The following RSRC1 variants were observed in gnomAD, a reference collection of about 807,000 sequenced individuals.
The protein encoded by RSRC1 is serine/Arginine-related protein 53.
A neutral mutation model predicts 49.1 loss-of-function variants in RSRC1; 39 were observed. The observed-to-expected ratio is 0.79, with a 90% CI of 0.61 to 1.04. RSRC1 has a LOEUF of 1.04. RSRC1 is among the 50% of genes least tolerant of loss of function. The pLI is 0.00. For synonymous variants in RSRC1, 143 were observed against 130.8 expected, an observed-to-expected ratio of 1.09 and a Z score of -0.63; for missense variants, 388 against 402.4, an observed-to-expected ratio of 0.96 and a Z score of 0.31.
At position 158,515,794 on chromosome 3, in the gene RSRC1, G is replaced by A. The variant is rs376311552; in HGVS notation, c.653-21298G>A. Among the ~76,000 whole-genome samples the A allele has an allele frequency of 1.3e-3, 200 of 151,752 alleles. 1 individual carries two copies. The highest frequency in any genetic ancestry group is 2.4e-3 in the Non-Finnish European group (161 of 67,958). ...CCCATATTTCTTGGAGGCTTTGCTC[G>A]TTTCTTTTTATTCTTTTTTCTGTAA... On this transcript the variant is annotated intron_variant, in intron 7 of 9. Transcript: ENST00000611884.
chr3:158,478,464 G>A (rs1738476350), intron 7 of RSRC1, among the ~76,000 whole-genome samples: 1 of 151,880 alleles, frequency 6.6e-6, no homozygotes, highest in South Asian at 2.1e-4. Context: ...AATGAATTGA[G>A]ACTGTCTTAA....
At chr3:158,457,973 CAG>C (rs1360874309) in intron 6 of RSRC1, among the ~76,000 whole-genome samples, 1 of 151,850 alleles carries the variant, frequency 6.6e-6, no homozygotes, top group African/African-American at 2.4e-5. Context: ...CTTAAGCAAA[CAG>C]AATCCTGAAG....
In RSRC1 at chr3:158,527,029, A is replaced by T. The variant is rs1397915265; in HGVS notation, c.653-10063A>T. ...TGAGAGGAAATAAAAGATTAATTCAAGTCAGTCATCACCGTATCTATATCT... is the reference window on the plus strand; with the variant it reads ...TGAGAGGAAATAAAAGATTAATTCATGTCAGTCATCACCGTATCTATATCT... On this transcript the variant is annotated intron_variant, in intron 7 of 9. Transcript: ENST00000611884. 2.0e-5 allele frequency among the ~76,000 whole-genome samples: 3 copies of T among 151,830 alleles called. No homozygotes were observed. In the East Asian group the frequency reaches 5.8e-4, roughly 29 times the overall value.
intron 6 of RSRC1, among the ~76,000 whole-genome samples, chr3:158,437,799 T>C (rs747656766): frequency 1.3e-5 from 2 of 152,080 alleles, no homozygotes; most frequent in Non-Finnish European, 2.9e-5. Context: ...CTCAACATAG[T>C]GTTGGAAGTG....
At position 158,499,269 on chromosome 3, in the gene RSRC1, C is replaced by G. The variant is rs188011180; in HGVS notation, c.653-37823C>G. The stretch of plus-strand genomic sequence containing the variant: ...GCACGCGCCTGTAATCCCAGCTACT[C>G]GGGAGGCTGAGGCAGGAGAATGGTG... On this transcript the variant is annotated intron_variant, in intron 7 of 9. Coordinates refer to ENST00000611884, the MANE Select transcript of RSRC1 (RefSeq NM_001271838.2). 4.8e-3 allele frequency among the ~76,000 whole-genome samples: 735 copies of G among 152,042 alleles called. 2 individuals carry two copies. Among genetic ancestry groups the G allele is most frequent in the Non-Finnish European group, 8.6e-3 (586 of 67,982 alleles).
At chr3:158,205,080 T>C (rs1472874634) in intron 4 of RSRC1, among the ~76,000 whole-genome samples, 3 of 152,188 alleles carry the variant, frequency 2.0e-5, no homozygotes, top group Non-Finnish European at 4.4e-5. Context: ...AATAGTGTTG[T>C]ATTTGTCGTT....
At chr3:158,458,081 C>T (rs992370547) in intron 6 of RSRC1, among the ~76,000 whole-genome samples, 36 of 152,136 alleles carry the variant, frequency 2.4e-4, no homozygotes, top group South Asian at 2.1e-4. Context: ...TTTGGAGTCA[C>T]ATGGCAGTGA....
intron 6 of RSRC1, among the ~76,000 whole-genome samples, chr3:158,453,481 A>G (rs1349212075): frequency 6.6e-6 from 1 of 151,658 alleles, no homozygotes; most frequent in Non-Finnish European, 1.5e-5. Flanking sequence ...CCTGGGCTCA[A>G]GCAATTCTCC....
At chr3:158,293,077 A>T (rs1182698761) in intron 4 of RSRC1, among the ~76,000 whole-genome samples, 1 of 152,148 alleles carries the variant, frequency 6.6e-6, no homozygotes, top group Non-Finnish European at 1.5e-5. Context: ...CCAAAGTAAA[A>T]GTAAAGAAAA....
At chr3:158,222,302 A>G (rs889696431) in intron 4 of RSRC1, among the ~76,000 whole-genome samples, 1 of 151,482 alleles carries the variant, frequency 6.6e-6, no homozygotes, top group Admixed American at 6.6e-5. Flanking sequence ...CTATAGTCAC[A>G]TCTTAAAAAG....
intron 3 of RSRC1, among the ~76,000 whole-genome samples, chr3:158,176,255 C>A (rs544954355): frequency 6.6e-6 from 1 of 152,226 alleles, no homozygotes; most frequent in Non-Finnish European, 1.5e-5. Flanking sequence ...CAGTGCCATC[C>A]CCATCAAGTT....
chr3:158,248,842 C>T (rs1724052001), intron 4 of RSRC1, among the ~76,000 whole-genome samples: 1 of 152,048 alleles, frequency 6.6e-6, no homozygotes, highest in Non-Finnish European at 1.5e-5. Flanking sequence ...AAGTGATCCG[C>T]CTGCCCAGCT....
intron 6 of RSRC1, among the ~76,000 whole-genome samples, chr3:158,361,642 AT>A (rs1160081225): frequency 5.3e-5 from 8 of 152,180 alleles, no homozygotes; most frequent in African/African-American, 1.9e-4. Flanking sequence ...AATCAGTGTT[AT>A]GTTTCTATGC....
intron 3 of RSRC1, among the ~76,000 whole-genome samples, chr3:158,201,558 A>C (rs1356372769): frequency 6.6e-6 from 1 of 152,034 alleles, no homozygotes; most frequent in East Asian, 1.9e-4. Context: ...TTTTCCTCTT[A>C]ATTCTTCATA....
chr3:158,274,273 T>G (rs1467519687), intron 4 of RSRC1, among the ~76,000 whole-genome samples: 1 of 152,148 alleles, frequency 6.6e-6, no homozygotes, highest in Non-Finnish European at 1.5e-5. Flanking sequence ...TAAAACTGAT[T>G]ATTCAACATT....
At chr3:158,172,203 A>T (rs1352512480) in intron 3 of RSRC1, among the ~76,000 whole-genome samples, 1 of 152,186 alleles carries the variant, frequency 6.6e-6, no homozygotes, top group African/African-American at 2.4e-5. Flanking sequence ...ACATTTTTAG[A>T]TTTAAGAAAC....
intron 7 of RSRC1, among the ~76,000 whole-genome samples, chr3:158,479,562 T>C (rs571536428): frequency 1.3e-5 from 2 of 152,100 alleles, no homozygotes; most frequent in South Asian, 4.1e-4. Flanking sequence ...TGGTTTTACT[T>C]TACTAAAAAC....
At chr3:158,236,990 T>A (rs1486518547) in intron 4 of RSRC1, among the ~76,000 whole-genome samples, 1 of 151,924 alleles carries the variant, frequency 6.6e-6, no homozygotes, top group Non-Finnish European at 1.5e-5. Context: ...TAAAACTGGT[T>A]TTAGGTTACA....
chr3:158,462,183 T>C (rs10936143), intron 7 of RSRC1, among the ~76,000 whole-genome samples: 28,418 of 151,732 alleles, frequency 0.19, 3,048 homozygotes, highest in South Asian at 0.27. Flanking sequence ...AAAAAATGAA[T>C]TTCAGTAGCA....
Sources: gnomAD v4.1 joint callset for allele counts (sites outside exome capture counted in the v4.1 genomes callset) on GRCh38, gnomAD v4.1.1 for gene constraint, MANE v1.5 for transcripts, NCBI Gene and HGNC (gene_info 2026-07-23, HGNC 2026-07-21) for gene names.